Variants in CADM2 observed in about 807,000 individuals in gnomAD.
The protein encoded by CADM2 is immunoglobulin superfamily member 4D.
A neutral mutation model predicts 49.8 loss-of-function variants in CADM2; 12 were observed. The ratio of observed to expected loss-of-function variants is 0.24; its 90% confidence interval spans 0.15 to 0.39. The LOEUF (loss-of-function observed/expected upper bound fraction) is 0.39. Among genes scored for constraint, CADM2 ranks in the 10% least tolerant of loss-of-function variants. The pLI is 1.00. For synonymous variants in CADM2, 214 were observed against 175.4 expected (o/e 1.22, Z -1.74); for missense variants, 378 against 492.3 (o/e 0.77, Z 2.20).
chr3:85,653,752 T>A (rs1172612131), intron 1 of CADM2, among the ~76,000 whole-genome samples: 1 of 151,080 alleles, frequency 6.6e-6, no homozygotes, highest in East Asian at 1.9e-4. Flanking sequence ...TAGGGAGTGA[T>A]TTTCAATAGA....
At chr3:85,253,621 C>T (rs1371267123) in intron 1 of CADM2, among the ~76,000 whole-genome samples, 2 of 152,050 alleles carry the variant, frequency 1.3e-5, no homozygotes, top group Non-Finnish European at 2.9e-5. Context: ...GACTCCTCTG[C>T]AACATTTTTT....
chr3:85,461,602 A>G (rs2038248092), intron 1 of CADM2, among the ~76,000 whole-genome samples: 1 of 152,074 alleles, frequency 6.6e-6, no homozygotes, highest in Non-Finnish European at 1.5e-5. Context: ...CTTTACTTTT[A>G]TCCCAAATTG....
intron 1 of CADM2, among the ~76,000 whole-genome samples, chr3:85,432,289 G>A (rs947644025): frequency 6.6e-6 from 1 of 151,864 alleles, no homozygotes. Flanking sequence ...CATCTTCAGT[G>A]ACTGGTGTTG....
intron 1 of CADM2, among the ~76,000 whole-genome samples, chr3:85,403,138 TA>T (rs2035200699): frequency 6.6e-6 from 1 of 152,142 alleles, no homozygotes; most frequent in Admixed American, 6.6e-5. Flanking sequence ...GAAATTTTCT[TA>T]AAAATTTAAT....
At chr3:85,771,167 G>T in intron 2 of CADM2, among the ~76,000 whole-genome samples, 1 of 152,104 alleles carries the variant, frequency 6.6e-6, no homozygotes, top group East Asian at 1.9e-4. Flanking sequence ...TAGACCATAA[G>T]TGTTGTGTTT....
chr3:85,851,420 A>C (rs996435506), intron 3 of CADM2, among the ~76,000 whole-genome samples: 78 of 151,976 alleles, frequency 5.1e-4, no homozygotes, highest in Non-Finnish European at 1.9e-4. Flanking sequence ...GCCACTTTTA[A>C]TGTTTGAGGT....
chr3:85,036,089 A>T (rs1167133969), intron 1 of CADM2, among the ~76,000 whole-genome samples: 2 of 152,162 alleles, frequency 1.3e-5, no homozygotes, highest in East Asian at 3.9e-4. Flanking sequence ...TAAGTAAAGG[A>T]CATATAAGAA....
intron 1 of CADM2, among the ~76,000 whole-genome samples, chr3:85,486,885 C>G (rs1453303955): frequency 6.6e-6 from 1 of 152,068 alleles, no homozygotes; most frequent in Admixed American, 6.5e-5. Context: ...CAAAATGTCC[C>G]TTCTCTGTAA....
rs182525615 is a variant in CADM2 at position 85,462,788 on chromosome 3, G to T, written c.62-263734G>T. 1.1e-4 allele frequency among the ~76,000 whole-genome samples: 16 copies of T among 152,228 alleles called. No homozygotes were observed. In the East Asian group the frequency reaches 2.7e-3, roughly 26 times the overall value. ...TTAACACTGAACTTTACTGTCTTTG[G>T]TATATATTGCACACTCCCATTGATT... is the stretch of plus-strand genomic sequence containing the variant. On this transcript the variant is annotated intron_variant, in intron 1 of 9. Coordinates refer to ENST00000383699, the MANE Select transcript of CADM2 (RefSeq NM_001167675.2).
chr3:85,947,342 A>G (rs1722849615), intron 7 of CADM2, among the ~76,000 whole-genome samples: 1 of 151,572 alleles, frequency 6.6e-6, no homozygotes, highest in African/African-American at 2.4e-5. Flanking sequence ...TACCAGCAGT[A>G]CTTCGATAAT....
intron 8 of CADM2, among the ~76,000 whole-genome samples, chr3:86,040,158 C>T (rs989885028): frequency 6.6e-6 from 1 of 152,102 alleles, no homozygotes; most frequent in African/African-American, 2.4e-5. Context: ...AAACTGGAAA[C>T]TCTAAAAATC....
At chr3:85,001,080 G>T (rs1208628976) in intron 1 of CADM2, among the ~76,000 whole-genome samples, 1 of 151,774 alleles carries the variant, frequency 6.6e-6, no homozygotes, top group African/African-American at 2.4e-5. Flanking sequence ...CAGTTGTTGG[G>T]GTTTCAAAAT....
intron 5 of CADM2, among the ~76,000 whole-genome samples, chr3:85,911,022 A>T (rs1289929677): frequency 6.6e-6 from 1 of 152,102 alleles, no homozygotes; most frequent in Non-Finnish European, 1.5e-5. Context: ...CATTTTTGTT[A>T]TTAATACATT....
At chr3:85,138,100 T>A (rs1326896095) in intron 1 of CADM2, among the ~76,000 whole-genome samples, 1 of 152,026 alleles carries the variant, frequency 6.6e-6, no homozygotes, top group Admixed American at 6.5e-5. Flanking sequence ...TCGATTTTGG[T>A]TACTGGCAAT....
intron 1 of CADM2, among the ~76,000 whole-genome samples, chr3:85,658,413 G>A (rs1295142592): frequency 6.6e-6 from 1 of 151,314 alleles, no homozygotes; most frequent in Non-Finnish European, 1.5e-5. Context: ...GAACTCTAAG[G>A]CAATACATTT....
At chr3:85,865,923 A>T (rs2108336740) in intron 3 of CADM2, among the ~76,000 whole-genome samples, 1 of 152,310 alleles carries the variant, frequency 6.6e-6, no homozygotes. Flanking sequence ...ATTTTCGTGC[A>T]AAACTATGAG....
intron 1 of CADM2, among the ~76,000 whole-genome samples, chr3:85,461,170 A>G (rs749161451): frequency 5.9e-5 from 9 of 152,056 alleles, no homozygotes; most frequent in Non-Finnish European, 1.2e-4. Flanking sequence ...TTTTCGCATG[A>G]GATGTACACA....
chr3:85,835,010 G>T (rs914101061), intron 3 of CADM2, among the ~76,000 whole-genome samples: 1 of 151,654 alleles, frequency 6.6e-6, no homozygotes, highest in African/African-American at 2.4e-5. Context: ...ACGCATGTGT[G>T]TGTGAATGTT....
intron 1 of CADM2, among the ~76,000 whole-genome samples, chr3:85,045,207 G>A (rs2035606805): frequency 6.6e-6 from 1 of 152,138 alleles, no homozygotes; most frequent in Admixed American, 6.6e-5. Flanking sequence ...AGCTGAATAT[G>A]CTATTAATGT....
Sources: allele counts gnomAD v4.1 joint callset (sites outside exome capture counted in the v4.1 genomes callset), GRCh38; gene constraint gnomAD v4.1.1; transcripts MANE v1.5; gene names NCBI Gene and HGNC (gene_info 2026-07-23, HGNC 2026-07-21).